The following RHEX variants were observed in gnomAD, a reference collection of about 807,000 sequenced individuals.
RHEX encodes the protein regulator of hemoglobinization and erythroid cell expansion.
In RHEX, 18 loss-of-function variants were observed where a neutral mutation model predicts 20.1. That is an observed-to-expected ratio of 0.90 (90% CI 0.62 to 1.33). The LOEUF (loss-of-function observed/expected upper bound fraction) is 1.33. RHEX is among the 40% of genes most tolerant of loss of function. The probability of loss-of-function intolerance (pLI) is 0.00; values close to 1 mark genes in which losing one functional copy is unlikely to be tolerated. For synonymous variants in RHEX, 87 were observed against 77.1 expected, an observed-to-expected ratio of 1.13 and a Z score of -0.67; for missense variants, 192 against 214.3, an observed-to-expected ratio of 0.90 and a Z score of 0.65.
intron 1 of RHEX, among the ~76,000 whole-genome samples, chr1:206,081,109 G>A (rs1553285838): frequency 6.6e-6 from 1 of 152,170 alleles, no homozygotes; most frequent in African/African-American, 2.4e-5. Flanking sequence ...CCAAAGTGCT[G>A]GAACTATAGG....
intron 1 of RHEX, among the ~76,000 whole-genome samples, chr1:206,088,947 G>C (rs1301052647): frequency 6.6e-6 from 1 of 151,980 alleles, no homozygotes; most frequent in Non-Finnish European, 1.5e-5. Flanking sequence ...AGCCTCCCAA[G>C]TATCTGGGAG....
chr1:206,076,148 C>G (rs1234890073), intron 1 of RHEX, among the ~76,000 whole-genome samples: 1 of 151,704 alleles, frequency 6.6e-6, no homozygotes, highest in African/African-American at 2.4e-5. Flanking sequence ...ACATGGATCA[C>G]CAGGGAGTCT....
chr1:206,068,913 G>A (rs1397241383), intron 1 of RHEX, among the ~76,000 whole-genome samples: 2 of 152,188 alleles, frequency 1.3e-5, no homozygotes, highest in African/African-American at 4.8e-5. Context: ...ACCTGTCTGG[G>A]CAACACTGTC....
intron 1 of RHEX, among the ~76,000 whole-genome samples, chr1:206,062,735 G>T (rs1481251261): frequency 6.6e-6 from 1 of 152,198 alleles, no homozygotes; most frequent in South Asian, 2.1e-4. Context: ...CGGGGGAGGA[G>T]TGCCAAGCGG....
At chr1:206,094,466 A>T (rs1663027532) in intron 1 of RHEX, among the ~76,000 whole-genome samples, 1 of 152,208 alleles carries the variant, frequency 6.6e-6, no homozygotes, top group South Asian at 2.1e-4. Context: ...ATACCTAATA[A>T]TTACTGAGTG....
At chr1:206,076,191 G>C (rs1662634428) in intron 1 of RHEX, among the ~76,000 whole-genome samples, 1 of 150,972 alleles carries the variant, frequency 6.6e-6, no homozygotes, top group Admixed American at 6.6e-5. Flanking sequence ...GTTTTGCTCT[G>C]TCACCCAGGT....
rs376612820 is a variant in RHEX at position 206,095,685 on chromosome 1, G to A, written c.-96-2048G>A. 6.8e-4 allele frequency among the ~76,000 whole-genome samples: 104 copies of A among 152,214 alleles called. 1 individual carries two copies. Among genetic ancestry groups the A allele is most frequent in the African/African-American group, 2.4e-3 (99 of 41,538 alleles). On this transcript the variant is annotated intron_variant, in intron 1 of 5. Transcript: ENST00000331555. ...TACAAAATTAGCAGGGCATGGTGGTGCATACCTGAAATCCCAGCTACTTGG... is the reference window on the plus strand; with the variant it reads ...TACAAAATTAGCAGGGCATGGTGGTACATACCTGAAATCCCAGCTACTTGG...
intron 2 of RHEX, 56 bp from the exon 3 acceptor site, chr1:206,098,025 C>A: frequency 7.1e-7 from 1 of 1,405,932 alleles, no homozygotes; most frequent in Non-Finnish European, 1.0e-6. Flanking sequence ...GATAGGTTTG[C>A]AATTGTATTC....
At chr1:206,083,101 C>G (rs1318497012) in intron 1 of RHEX, among the ~76,000 whole-genome samples, 1 of 152,244 alleles carries the variant, frequency 6.6e-6, no homozygotes, top group Admixed American at 6.5e-5. Context: ...TCTTTGAATA[C>G]ATCACATATA....
chr1:206,093,624 G>A (rs1302808962), intron 1 of RHEX, among the ~76,000 whole-genome samples: 1 of 151,932 alleles, frequency 6.6e-6, no homozygotes, highest in East Asian at 1.9e-4. Flanking sequence ...GTTTTAAACC[G>A]TTCTTTCTAG....
intron 1 of RHEX, among the ~76,000 whole-genome samples, chr1:206,078,072 T>G (rs1340857767): frequency 1.3e-5 from 2 of 152,234 alleles, no homozygotes; most frequent in Non-Finnish European, 2.9e-5. Context: ...CCAGCCTATG[T>G]CTATAAGGTA....
intron 1 of RHEX, among the ~76,000 whole-genome samples, chr1:206,055,104 G>T (rs1026008023): frequency 3.3e-5 from 5 of 152,064 alleles, no homozygotes; most frequent in Non-Finnish European, 5.9e-5. Flanking sequence ...GGCATGGGCT[G>T]CAGGGTAGCT....
At position 206,059,426 on chromosome 1, in the gene RHEX, A is replaced by G. The variant is rs1553283048; in HGVS notation, c.-97+6161A>G. Among the ~76,000 whole-genome samples the G allele has an allele frequency of 2.0e-5, 3 of 152,182 alleles. No individual in the cohort carries two copies. The East Asian group carries it at 5.8e-4, about 29-fold the overall frequency. Reference sequence around the variant, plus strand: ...TGGTACTTTTGTGTTCCCAGATGCTATTTATCCAAGGTGGCTAGTAAATTG... The same window carrying G: ...TGGTACTTTTGTGTTCCCAGATGCTGTTTATCCAAGGTGGCTAGTAAATTG... On this transcript the variant is annotated intron_variant, in intron 1 of 5. Coordinates refer to ENST00000331555, the MANE Select transcript of RHEX (RefSeq NM_001007544.4).
At chr1:206,080,148 A>G (rs1553285683) in intron 1 of RHEX, 2 of 152,236 alleles carry the variant, frequency 1.3e-5, no homozygotes, top group Non-Finnish European at 2.9e-5. Flanking sequence ...TATAATGTGG[A>G]AAACTATTCT....
chr1:206,059,586 G>T (rs550225362), intron 1 of RHEX, among the ~76,000 whole-genome samples: 2 of 152,026 alleles, frequency 1.3e-5, no homozygotes, highest in African/African-American at 4.8e-5. Flanking sequence ...ACTTTATGGG[G>T]AAGAAACAGG....
chr1:206,057,833 C>T (rs1460595643), intron 1 of RHEX, among the ~76,000 whole-genome samples: 23 of 152,268 alleles, frequency 1.5e-4, no homozygotes, highest in Non-Finnish European at 2.9e-4. Context: ...CAAGATGTCT[C>T]ATGGGGATAT....
intron 1 of RHEX, among the ~76,000 whole-genome samples, chr1:206,086,899 C>G (rs1315946885): frequency 6.6e-6 from 1 of 151,438 alleles, no homozygotes; most frequent in Non-Finnish European, 1.5e-5. Context: ...CCCAACTACT[C>G]GGGAGGCTGA....
intron 1 of RHEX, chr1:206,056,466 A>G (rs1662197456): frequency 6.6e-6 from 1 of 152,306 alleles, no homozygotes; most frequent in Non-Finnish European, 1.5e-5. Context: ...TCACTGAGGT[A>G]GGACAAAAGA....
intron 1 of RHEX, among the ~76,000 whole-genome samples, chr1:206,070,811 G>A (rs528366784): frequency 4.6e-5 from 7 of 152,116 alleles, no homozygotes; most frequent in Non-Finnish European, 1.0e-4. Context: ...GGTCACCCCT[G>A]TCCTATCAGC....
Sources: gnomAD v4.1 joint callset for allele counts (sites outside exome capture counted in the v4.1 genomes callset) on GRCh38, gnomAD v4.1.1 for gene constraint, MANE v1.5 for transcripts, NCBI Gene and HGNC (gene_info 2026-07-23, HGNC 2026-07-21) for gene names.